Variants in CRYBG1 observed in about 807,000 individuals in gnomAD.
CRYBG1 encodes crystallin beta-gamma domain containing 1.
In CRYBG1, 139 loss-of-function variants were observed where a neutral mutation model predicts 189.2. The observed-to-expected ratio is 0.73, with a 90% CI of 0.64 to 0.85. The LOEUF (loss-of-function observed/expected upper bound fraction) is 0.85. Among genes scored for constraint, CRYBG1 ranks in the 40% least tolerant of loss-of-function variants. The pLI is 0.00. For synonymous variants in CRYBG1, 1,023 were observed against 1,017.1 expected, an observed-to-expected ratio of 1.01 and a Z score of -0.11; for missense variants, 2,611 against 2,675.8, an observed-to-expected ratio of 0.98 and a Z score of 0.53.
intron 19 of CRYBG1, 96 bp downstream of exon 19, chr6:106,561,022 T>G: frequency 7.4e-7 from 1 of 1,343,890 alleles, no homozygotes; most frequent in Non-Finnish European, 1.0e-6. Context: ...ATTCAAAGTT[T>G]ATAACTGGCC....
intron 1 of CRYBG1, among the ~76,000 whole-genome samples, chr6:106,384,260 A>G (rs1770342832): frequency 6.6e-6 from 1 of 152,134 alleles, no homozygotes; most frequent in Admixed American, 6.5e-5. Context: ...TGTTCTTTAG[A>G]GCAGTGGTCC....
chr6:106,566,057 A>G (rs1774875785), intron 21 of CRYBG1, among the ~76,000 whole-genome samples: 1 of 152,126 alleles, frequency 6.6e-6, no homozygotes, highest in Non-Finnish European at 1.5e-5. Flanking sequence ...TCCAGGGTGG[A>G]CAACACTATG....
At position 106,530,160 on chromosome 6, in the gene CRYBG1, A is replaced by G. The variant is rs759355972; in HGVS notation, c.4579-16A>G. 9 of 1,601,628 alleles carry G rather than the reference A, an allele frequency of 5.6e-6. No homozygotes were observed. The Admixed American group carries it at 1.4e-4, about 24-fold the overall frequency. On this transcript the variant is annotated splice_polypyrimidine_tract_variant and intron_variant, in intron 7 of 21. Transcript: ENST00000633556. ...ATGGTGCAATTCTTACTATCTATGC[A>G]TCTATATTTTTTCAGGATTACAGAG...
chr6:106,447,874 A>G (rs938499722), intron 1 of CRYBG1, among the ~76,000 whole-genome samples: 6 of 152,164 alleles, frequency 3.9e-5, no homozygotes, highest in South Asian at 2.1e-4. Flanking sequence ...GATCTAGAAA[A>G]TGCTGAAAGA....
At chr6:106,506,172 C>T (rs1477425649) in intron 2 of CRYBG1, among the ~76,000 whole-genome samples, 1 of 152,138 alleles carries the variant, frequency 6.6e-6, no homozygotes, top group Non-Finnish European at 1.5e-5. Flanking sequence ...TTGTTTAGAA[C>T]AATGTTTCTA....
At chr6:106,475,079 A>G (rs1008801378) in intron 2 of CRYBG1, among the ~76,000 whole-genome samples, 9 of 152,234 alleles carry the variant, frequency 5.9e-5, no homozygotes, top group African/African-American at 2.2e-4. Flanking sequence ...ACCATGAATT[A>G]TAGGTGAAAG....
chr6:106,507,342 C>A (rs1773153504), intron 2 of CRYBG1, among the ~76,000 whole-genome samples: 1 of 152,194 alleles, frequency 6.6e-6, no homozygotes, highest in African/African-American at 2.4e-5. Context: ...GTAAGGTGTG[C>A]AGGCTGCCTT....
At chr6:106,544,977 C>T (rs912902232) in intron 13 of CRYBG1, 44 bp downstream of exon 13, 2 of 1,549,276 alleles carry the variant, frequency 1.3e-6, no homozygotes, top group Admixed American at 2.0e-5. Flanking sequence ...TGCGTTTTAC[C>T]TTGGTTTGTT....
At chr6:106,461,999 G>A (rs1772015703) in intron 2 of CRYBG1, among the ~76,000 whole-genome samples, 1 of 152,168 alleles carries the variant, frequency 6.6e-6, no homozygotes, top group African/African-American at 2.4e-5. Flanking sequence ...TTTCTTTAGT[G>A]ATGTTTGAGT....
chr6:106,515,770 T>C (rs1007478218), intron 3 of CRYBG1, among the ~76,000 whole-genome samples: 4 of 141,364 alleles, frequency 2.8e-5, no homozygotes, highest in Non-Finnish European at 4.5e-5. Context: ...TATTTATTTA[T>C]TTATTTATTT....
chr6:106,431,046 G>C (rs1771316606), intron 1 of CRYBG1, among the ~76,000 whole-genome samples: 1 of 151,954 alleles, frequency 6.6e-6, no homozygotes, highest in South Asian at 2.1e-4. Flanking sequence ...GTTTTTAGTA[G>C]AGATGGGGTT....
intron 1 of CRYBG1, among the ~76,000 whole-genome samples, chr6:106,448,333 C>T (rs114213220): frequency 6.6e-6 from 1 of 152,208 alleles, no homozygotes; most frequent in East Asian, 1.9e-4. Context: ...CACACACACT[C>T]AGCAGTTCCT....
In CRYBG1 at chr6:106,569,700, T is replaced by A. The variant is rs1292622067; in HGVS notation, c.*1134T>A. 6.6e-6 allele frequency: 1 copy of A among 152,234 alleles called. No individual in the cohort carries two copies. The highest frequency in any genetic ancestry group is 1.5e-5 in the Non-Finnish European group (1 of 68,048). 9.4% of individuals were successfully genotyped at this position (152,234 alleles called of 1,614,324 possible). A position where few individuals can be genotyped will look rare whatever the true frequency, so the allele number is the denominator to read the frequency against. On this transcript the variant is annotated 3_prime_UTR_variant, in exon 22 of 22. Transcript: ENST00000633556. ...CATACTTTTTTGCTAAACTCAGATT[T>A]TTTAGCCTAATTTCTTGTCCTCCTA... is the stretch of plus-strand genomic sequence containing the variant.
chr6:106,376,090 C>G (rs1010044575), intron 1 of CRYBG1, among the ~76,000 whole-genome samples: 3 of 152,110 alleles, frequency 2.0e-5, no homozygotes, highest in African/African-American at 7.2e-5. Flanking sequence ...GGGAGGACTG[C>G]TATAGTTATA....
chr6:106,548,858 G>A (rs1293426323), intron 13 of CRYBG1, among the ~76,000 whole-genome samples: 1 of 149,994 alleles, frequency 6.7e-6, no homozygotes, highest in Non-Finnish European at 1.5e-5. Flanking sequence ...TCGTCATCTA[G>A]CATTAGGTAT....
Position 106,413,000 on chromosome 6 carries a change from G to A in CRYBG1, c.174-38694G>A, listed in dbSNP as rs188494054. On this transcript the variant is annotated intron_variant, in intron 1 of 21. Coordinates refer to ENST00000633556, the MANE Select transcript of CRYBG1 (RefSeq NM_001371242.2). ...TTACATATCTGAAAATTTCGAGGTG[G>A]TTCTGGCTGTAAGAAAGACTGGGTC... Among the ~76,000 whole-genome samples the A allele has an allele frequency of 3.3e-3, 499 of 151,352 alleles. 7 individuals are homozygous for A. Among genetic ancestry groups the A allele is most frequent in the South Asian group, 0.016 (77 of 4,786 alleles).
intron 2 of CRYBG1, among the ~76,000 whole-genome samples, chr6:106,488,701 G>A (rs1444810540): frequency 6.6e-6 from 1 of 152,190 alleles, no homozygotes; most frequent in Non-Finnish European, 1.5e-5. Context: ...ACTTCCCACT[G>A]CTGCACAGTT....
chr6:106,404,509 C>T (rs930286504), intron 1 of CRYBG1, among the ~76,000 whole-genome samples: 1 of 152,026 alleles, frequency 6.6e-6, no homozygotes, highest in Non-Finnish European at 1.5e-5. Context: ...TCTGAACATC[C>T]AAATCTCAGT....
chr6:106,512,784 C>CGGCCGAGAGCGG lies in CRYBG1; in HGVS notation c.1670_1681dup (p.Ala557_Gly560dup). On this transcript the variant is annotated inframe_insertion, in exon 3 of 22. Coordinates refer to ENST00000633556, the MANE Select transcript of CRYBG1 (RefSeq NM_001371242.2). ...CCCAGCCCAGTCACCAAGGGCACTGCGGCCGAGAGCGGGGAGGAGGCGGCG... is the reference window on the plus strand; with the variant it reads ...CCCAGCCCAGTCACCAAGGGCACTGCGGCCGAGAGCGGGGCCGAGAGCGGGGAGGAGGCGGCG... 1 of 1,579,880 alleles carries CGGCCGAGAGCGG rather than the reference C, an allele frequency of 6.3e-7. No homozygotes were observed. Among genetic ancestry groups the CGGCCGAGAGCGG allele is most frequent in the Non-Finnish European group, 8.6e-7 (1 of 1,162,596 alleles).
Sources: gnomAD v4.1 joint callset for allele counts (sites outside exome capture counted in the v4.1 genomes callset) on GRCh38, gnomAD v4.1.1 for gene constraint, MANE v1.5 for transcripts, NCBI Gene and HGNC (gene_info 2026-07-23, HGNC 2026-07-21) for gene names.